The following ZSCAN9 variants were observed in gnomAD, a reference collection of about 807,000 sequenced individuals.
ZSCAN9 encodes the protein zinc finger and SCAN domain containing 9.
Under a neutral mutation model 23.0 loss-of-function variants are expected in ZSCAN9, and 19 were observed. That is an observed-to-expected ratio of 0.83 (90% CI 0.58 to 1.21). The LOEUF (loss-of-function observed/expected upper bound fraction) is 1.21, where lower values mean the gene tolerates loss of function less well. Ranked by LOEUF, ZSCAN9 falls within the 50% of genes most tolerant of loss-of-function variation. The pLI is 0.00. For missense variants in ZSCAN9, 467 were observed against 471.5 expected (o/e 0.99, Z 0.09); for synonymous variants, 155 against 164.8 (o/e 0.94, Z 0.46).
rs997927468 is a variant in ZSCAN9, at chr6:28,233,020, T to C, written c.1027T>C (p.Cys343Arg). 1.9e-5 allele frequency: 30 copies of C among 1,614,144 alleles called. No individual in the cohort carries two copies. Among genetic ancestry groups the C allele is most frequent in the Non-Finnish European group, 2.5e-5 (29 of 1,180,006 alleles). Residue 343 changes from cysteine to arginine, a missense_variant, in exon 4 of 4, where the codon TGC becomes CGC. Coordinates refer to ENST00000252207, the MANE Select transcript of ZSCAN9 (RefSeq NM_006299.5). ...KGEKPYQCSQ[C>R]SKSYSRRSFL... ...AGAAAAGCCGTATCAGTGCAGCCAG[T>C]GCAGTAAGAGCTACAGTCGGCGTTC...
chr6:28,232,448 G>A, intron 3 of ZSCAN9, 114 bp from the exon 4 acceptor site: 1 of 1,485,262 alleles, frequency 6.7e-7, no homozygotes, highest in South Asian at 1.4e-5. Flanking sequence ...TACCACACTA[G>A]CCCTTCTGTT....
intron 2 of ZSCAN9, 34 bp downstream of exon 2, chr6:28,227,538 A>G (rs201301036): frequency 7.0e-6 from 11 of 1,567,680 alleles, no homozygotes; most frequent in Middle Eastern, 3.4e-4. Context: ...AAAAATGTGT[A>G]TTTTGGCATG....
chr6:28,230,934 G>C (rs1357586842), intron 3 of ZSCAN9, among the ~76,000 whole-genome samples: 1 of 152,130 alleles, frequency 6.6e-6, no homozygotes, highest in African/African-American at 2.4e-5. Context: ...TTTCCAGGAA[G>C]AGAGAAGCAC....
At chr6:28,230,040 A>G (rs573777147) in intron 3 of ZSCAN9, among the ~76,000 whole-genome samples, 53 of 151,982 alleles carry the variant, frequency 3.5e-4, no homozygotes, top group East Asian at 1.4e-3. Context: ...TGTATTTTTA[A>G]TAGAGACAGG....
chr6:28,231,210 C>T (rs1381525654), intron 3 of ZSCAN9, among the ~76,000 whole-genome samples: 1 of 152,008 alleles, frequency 6.6e-6, no homozygotes, highest in Non-Finnish European at 1.5e-5. Context: ...AATAATATGC[C>T]AGCCTCACTA....
intron 3 of ZSCAN9, chr6:28,228,672 C>G (rs1324974591): frequency 6.5e-6 from 1 of 154,456 alleles, no homozygotes; most frequent in Non-Finnish European, 1.5e-5. Flanking sequence ...ATGAAAAGCA[C>G]TTGGCATGCA....
chr6:28,229,943 C>T (rs911549346), intron 3 of ZSCAN9, among the ~76,000 whole-genome samples: 28 of 151,818 alleles, frequency 1.8e-4, no homozygotes, highest in African/African-American at 6.3e-4. Context: ...CTGCAAGCTC[C>T]GCCTCCCGGG....
chr6:28,232,153 G>A (rs1412688202), intron 3 of ZSCAN9, among the ~76,000 whole-genome samples: 1 of 152,130 alleles, frequency 6.6e-6, no homozygotes, highest in African/African-American at 2.4e-5. Flanking sequence ...CCAACATGGC[G>A]AAACCGCGTC....
chr6:28,233,107 G>A lies in ZSCAN9; in HGVS notation c.1114G>A (p.Gly372Arg). The change falls in exon 4 of 4, where the codon GGG (glycine) becomes AGG (arginine). Residue 372 changes from glycine (G) to arginine (R), a missense_variant. Coordinates refer to ENST00000252207, the MANE Select transcript of ZSCAN9 (RefSeq NM_006299.5). ...GERPHQCIECGKSFNRHCNLI... is the reference protein window; with the variant it reads ...GERPHQCIECRKSFNRHCNLI... ...GCGACCTCACCAGTGCATTGAATGT[G>A]GGAAAAGCTTTAATCGACACTGCAA... is the stretch of plus-strand genomic sequence containing the variant. 1 of 1,614,144 alleles carries A rather than the reference G, an allele frequency of 6.2e-7. No individual in the cohort carries two copies. The highest frequency in any genetic ancestry group is 8.5e-7 in the Non-Finnish European group (1 of 1,180,024).
intron 1 of ZSCAN9, among the ~76,000 whole-genome samples, chr6:28,225,824 A>G (rs1365646553): frequency 6.6e-6 from 1 of 152,184 alleles, no homozygotes; most frequent in Non-Finnish European, 1.5e-5. Flanking sequence ...CTTATAATAC[A>G]TACAAATCAC....
At chr6:28,228,105 C>T (rs570592463) in intron 3 of ZSCAN9, 7 of 676,750 alleles carry the variant, frequency 1.0e-5, no homozygotes, top group African/African-American at 1.8e-5. Context: ...AGCACAGCTT[C>T]AGAGAATGGA....
At chr6:28,228,126 TG>T (rs1760181989) in intron 3 of ZSCAN9, 1 of 669,936 alleles carries the variant, frequency 1.5e-6, no homozygotes, top group Non-Finnish European at 2.7e-6. Flanking sequence ...CTTCAAGGTT[TG>T]ACAGACAGGT....
rs922790413 is a variant in ZSCAN9, at chr6:28,227,707, C to A, written c.438C>A (p.His146Gln). The change falls in exon 3 of 4, where the codon CAC becomes CAA. Residue 146 changes from histidine (H) to glutamine (Q), a missense_variant. Coordinates refer to ENST00000252207, the MANE Select transcript of ZSCAN9 (RefSeq NM_006299.5). ...EPQHEMVAHR[H>Q]RQEVLCKEMV... is the part of the protein sequence containing the mutation. ...GTCCCCAGATGGTGGCCCACAGACACAGACAAGAAGTCCTCTGTAAAGAGA... is the reference window on the plus strand; with the variant it reads ...GTCCCCAGATGGTGGCCCACAGACAAAGACAAGAAGTCCTCTGTAAAGAGA... The A allele has an allele frequency of 6.3e-7, 1 of 1,598,368 alleles. No homozygotes were observed. The highest frequency in any genetic ancestry group is 8.5e-7 in the Non-Finnish European group (1 of 1,176,406).
rs1397350633 is a variant in ZSCAN9 at position 28,227,396 on chromosome 6, G to C, written c.312G>C (p.Leu104=). 1 of 1,614,184 alleles carries C rather than the reference G, an allele frequency of 6.2e-7. No individual in the cohort carries two copies. The highest frequency in any genetic ancestry group is 8.5e-7 in the Non-Finnish European group (1 of 1,180,040). The change falls in exon 2 of 4, where the codon CTG becomes CTC. Residue 104 remains leucine, a synonymous_variant. Coordinates refer to ENST00000252207, the MANE Select transcript of ZSCAN9 (RefSeq NM_006299.5). ...LLVLEQFLSI[L]PKELQGWVRE... Reference sequence around the variant, plus strand: ...TGCTGGAGCAGTTTCTATCCATTCTGCCCAAGGAGCTCCAGGGCTGGGTGA... The same window carrying C: ...TGCTGGAGCAGTTTCTATCCATTCTCCCCAAGGAGCTCCAGGGCTGGGTGA...
rs1561845048 is a variant in ZSCAN9, at chr6:28,227,094, A to G, written c.10A>G (p.Asn4Asp). Residue 4 changes from asparagine (N) to aspartate (D), a missense_variant, in exon 2 of 4, where the codon AAC becomes GAC. Physicochemically the swap from Asn to Asp is conservative, Grantham distance 23. Coordinates refer to ENST00000252207, the MANE Select transcript of ZSCAN9 (RefSeq NM_006299.5). Reference protein sequence around the residue: MNTNSKEVLSLGVQ... With the variant: MNTDSKEVLSLGVQ... ...GCTGTTCAAGGTCAAGATGAATACA[A>G]ACTCAAAGGAGGTTTTATCCCTGGG... The G allele has an allele frequency of 6.2e-7, 1 of 1,613,262 alleles. No individual in the cohort carries two copies. The highest frequency in any genetic ancestry group is 1.3e-5 in the African/African-American group (1 of 74,888).
chr6:28,230,459 C>T lies in ZSCAN9; in HGVS notation c.569-2103C>T, dbSNP rs1443563489. 3.1e-5 allele frequency: 48 copies of T among 1,536,024 alleles called. No individual in the cohort carries two copies. In the East Asian group the frequency reaches 1.1e-3, roughly 37 times the overall value. ...CCCCAGCTAAAAGGAGGAGGAGAAA[C>T]ATGGCCTAACAACAGAGGAGTCCTA... On this transcript the variant is annotated intron_variant, in intron 3 of 3. Transcript: ENST00000252207.
At chr6:28,227,642 C>T (rs756111519) in intron 2 of ZSCAN9, 48 bp from the exon 3 acceptor site, 14 of 1,581,504 alleles carry the variant, frequency 8.9e-6, no homozygotes, top group Non-Finnish European at 1.0e-5. Flanking sequence ...GTGTTTATTT[C>T]AGACAGTTAA....
chr6:28,226,732 G>C lies in ZSCAN9; in HGVS notation c.-73-280G>C, dbSNP rs115761497. Among the ~76,000 whole-genome samples, 1,154 of 152,116 alleles carry C rather than the reference G, an allele frequency of 7.6e-3. 3 individuals carry two copies. Among genetic ancestry groups the C allele is most frequent in the Non-Finnish European group, 0.012 (840 of 67,986 alleles). The stretch of plus-strand genomic sequence containing the variant: ...CACTTAAACCCAGGAGTTTGAGGTT[G>C]CAGTGAGCTGTGATTATGCCACTGC... On this transcript the variant is annotated intron_variant, in intron 1 of 3. Transcript: ENST00000252207.
intron 2 of ZSCAN9, 23 bp downstream of exon 2, chr6:28,227,527 G>C: frequency 6.4e-7 from 1 of 1,570,200 alleles, no homozygotes; most frequent in Non-Finnish European, 8.6e-7. Flanking sequence ...ATTTGCTAGA[G>C]AAAAATGTGT....
Sources: allele counts gnomAD v4.1 joint callset (sites outside exome capture counted in the v4.1 genomes callset), GRCh38; gene constraint gnomAD v4.1.1; transcripts MANE v1.5; gene names NCBI Gene and HGNC (gene_info 2026-07-23, HGNC 2026-07-21).